The following CLIP1 variants were observed in gnomAD, a reference collection of about 807,000 sequenced individuals.
CLIP1 encodes CAP-Gly domain-containing linker protein 1.
CLIP1 carries 66 observed loss-of-function variants against 161.6 expected under a neutral mutation model. The ratio of observed to expected loss-of-function variants is 0.41; its 90% CI spans 0.33 to 0.50. CLIP1 has a LOEUF of 0.50. Among genes scored for constraint, CLIP1 ranks in the 20% least tolerant of loss-of-function variants. The pLI is 0.27. For missense variants in CLIP1, 1,376 were observed against 1,702.0 expected, an observed-to-expected ratio of 0.81 and a Z score of 3.37; for synonymous variants, 598 against 626.2, an observed-to-expected ratio of 0.96 and a Z score of 0.67.
intron 19 of CLIP1, among the ~76,000 whole-genome samples, chr12:122,314,835 CTTTG>C (rs750962818): frequency 1.3e-5 from 2 of 152,184 alleles, no homozygotes; most frequent in Non-Finnish European, 2.9e-5. Context: ...CAACAAATGA[CTTTG>C]TTTTTCCTGT....
chr12:122,293,487 T>C (rs1950338018), intron 20 of CLIP1, among the ~76,000 whole-genome samples: 1 of 152,028 alleles, frequency 6.6e-6, no homozygotes, highest in South Asian at 2.1e-4. Flanking sequence ...TCTTTTTCTT[T>C]TTTTTTTTGA....
intron 1 of CLIP1, chr12:122,395,663 C>G (rs1267882724): frequency 6.6e-6 from 1 of 152,216 alleles, no homozygotes; most frequent in African/African-American, 2.4e-5. Context: ...ATCAGCAACA[C>G]AGGTAAGCAG....
Position 122,272,904 on chromosome 12 carries a change from T to C in CLIP1, c.4288A>G (p.Thr1430Ala), listed in dbSNP as rs141501239. ...EICEMFGHWA[T>A]NCNDDETF ...AAGGTTTCGTCGTCATTGCAGTTGG[T>C]GGCCCAGTGTCCAAACATCTCACAG... The change falls in exon 26 of 26, where the codon ACC (threonine) becomes GCC (alanine). Residue 1430 changes from threonine (T) to alanine (A), a missense_variant. Coordinates refer to ENST00000620786, the MANE Select transcript of CLIP1 (RefSeq NM_001247997.2). The C allele has an allele frequency of 1.9e-6, 3 of 1,614,100 alleles. No individual in the cohort carries two copies. The highest frequency in any genetic ancestry group is 2.7e-5 in the African/African-American group (2 of 74,928).
intron 9 of CLIP1, among the ~76,000 whole-genome samples, chr12:122,347,886 T>C (rs1035829442): frequency 3.9e-5 from 6 of 152,190 alleles, no homozygotes; most frequent in Admixed American, 3.9e-4. Flanking sequence ...TGTATGTAAC[T>C]GACTCGATAA....
At position 122,355,325 on chromosome 12, in the gene CLIP1, G is replaced by A. The variant is rs1358059797; in HGVS notation, c.1006-13C>T. The A allele has an allele frequency of 3.7e-6, 6 of 1,610,198 alleles. No homozygotes were observed. Among genetic ancestry groups the A allele is most frequent in the Non-Finnish European group, 5.1e-6 (6 of 1,177,170 alleles). On this transcript the variant is annotated splice_polypyrimidine_tract_variant and intron_variant, in intron 5 of 25. Coordinates refer to ENST00000620786, the MANE Select transcript of CLIP1 (RefSeq NM_001247997.2). The surrounding 1 kb of genome is among the most constrained non-coding windows in gnomAD (Gnocchi z 4.1). ...AGGTTTCAGTCAACTGTAAAGGAAAGTTAGAGAAATGAAGGGCGATGATGC... is the reference window on the plus strand; with the variant it reads ...AGGTTTCAGTCAACTGTAAAGGAAAATTAGAGAAATGAAGGGCGATGATGC...
chr12:122,390,267 CAT>C lies in CLIP1; in HGVS notation c.-106-9711_-106-9710del, dbSNP rs1202631168. Among the ~76,000 whole-genome samples the C allele has an allele frequency of 1.8e-4, 13 of 71,296 alleles. No individual in the cohort carries two copies. The South Asian group carries it at 3.7e-3, about 20-fold the overall frequency. 46.8% of individuals were successfully genotyped at this position (71,296 alleles called of 152,430 possible). A position where few individuals can be genotyped will look rare whatever the true frequency, so the allele number is the denominator to read the frequency against. On this transcript the variant is annotated intron_variant, in intron 1 of 25. Coordinates refer to ENST00000620786, the MANE Select transcript of CLIP1 (RefSeq NM_001247997.2). ...ATATATATACACATATATACACACACATATATATATACATATATATATATATA... is the reference window on the plus strand; with the variant it reads ...ATATATATACACATATATACACACACATATATATACATATATATATATATA...
intron 15 of CLIP1, among the ~76,000 whole-genome samples, chr12:122,331,651 T>C (rs893679765): frequency 6.6e-6 from 1 of 152,156 alleles, no homozygotes; most frequent in African/African-American, 2.4e-5. Flanking sequence ...ATTAGAAAGC[T>C]GTTAGCACAG....
intron 10 of CLIP1, chr12:122,342,010 C>T (rs1219637993): frequency 5.8e-6 from 1 of 172,614 alleles, no homozygotes; most frequent in African/African-American, 2.4e-5. Context: ...TCTCAAACTC[C>T]TGACCTCAGG....
At position 122,377,412 on chromosome 12, in the gene CLIP1, GCT is replaced by G; in HGVS notation, c.632_633del (p.Glu211AlafsTer13). The G allele has an allele frequency of 1.9e-6, 3 of 1,613,716 alleles. No individual in the cohort carries two copies. The highest frequency in any genetic ancestry group is 2.5e-6 in the Non-Finnish European group (3 of 1,179,858). ...EAGSIKKGER[E>X]LKIGDRVLVG... ...ACCAATACTCTGTCTCCGATTTTGA[GCT>G]CTCTTTCTCCTTTCTTGATTGAGCC... On this transcript the variant is annotated frameshift_variant, in exon 3 of 26. Transcript: ENST00000620786. LOFTEE classifies it high-confidence loss of function.
At chr12:122,320,443 A>G (rs1295857228) in intron 17 of CLIP1, among the ~76,000 whole-genome samples, 1 of 151,324 alleles carries the variant, frequency 6.6e-6, no homozygotes, top group Non-Finnish European at 1.5e-5. Context: ...ACCTCTAAAA[A>G]AATAAATTAA....
Position 122,355,638 on chromosome 12 carries a change from C to G in CLIP1, c.1006-326G>C, listed in dbSNP as rs1182190419. ...TGGCCAAGATGATGAGACCCCATCT[C>G]TACTAAAAATACAAAAATTAGCTGG... On this transcript the variant is annotated intron_variant, in intron 5 of 25. Coordinates refer to ENST00000620786, the MANE Select transcript of CLIP1 (RefSeq NM_001247997.2). This position sits in a 1 kb window ranked among gnomAD's most constrained non-coding sequence, Gnocchi z 4.1. 4.0e-6 allele frequency: 1 copy of G among 248,922 alleles called. No homozygotes were observed. The highest frequency in any genetic ancestry group is 7.8e-6 in the Non-Finnish European group (1 of 128,800). 15.4% of individuals were successfully genotyped at this position (248,922 alleles called of 1,614,324 possible).
chr12:122,339,017 C>CA (rs1384918032), intron 11 of CLIP1, among the ~76,000 whole-genome samples: 3 of 152,122 alleles, frequency 2.0e-5, no homozygotes, highest in Non-Finnish European at 4.4e-5. Flanking sequence ...GCTTCTCCCA[C>CA]AAAAAAGTTC....
rs1956989942 is a variant in CLIP1, at chr12:122,422,507, CG to C, written c.-107+13del. Reference sequence around the variant, plus strand: ...GCCGGGAAAGGGAGAGGGCCCGCGCCGCCCCCTGCTCACCTCCTCGGACGCC... The same window carrying C: ...GCCGGGAAAGGGAGAGGGCCCGCGCCCCCCCTGCTCACCTCCTCGGACGCC... On this transcript the variant is annotated intron_variant, in intron 1 of 25. Coordinates refer to ENST00000620786, the MANE Select transcript of CLIP1 (RefSeq NM_001247997.2). 6.6e-6 allele frequency: 1 copy of C among 151,882 alleles called. No homozygotes were observed. Among genetic ancestry groups the C allele is most frequent in the Non-Finnish European group, 1.5e-5 (1 of 67,704 alleles). The allele number at this position is 151,882 out of a possible 1,614,324, so 9.4% of individuals were successfully genotyped here. A position where few individuals can be genotyped will look rare whatever the true frequency, so the allele number is the denominator to read the frequency against.
intron 20 of CLIP1, among the ~76,000 whole-genome samples, chr12:122,302,099 T>A (rs1043160081): frequency 1.3e-5 from 2 of 152,192 alleles, no homozygotes; most frequent in African/African-American, 2.4e-5. Flanking sequence ...AATTATTATT[T>A]TTTATTATTA....
intron 10 of CLIP1, among the ~76,000 whole-genome samples, chr12:122,344,392 C>T (rs890982824): frequency 4.0e-5 from 6 of 150,728 alleles, no homozygotes; most frequent in Admixed American, 6.6e-5. Flanking sequence ...AAATAACATA[C>T]AAAACATTAA....
At chr12:122,375,561 C>G (rs1329574797) in intron 3 of CLIP1, among the ~76,000 whole-genome samples, 3 of 152,110 alleles carry the variant, frequency 2.0e-5, no homozygotes, top group African/African-American at 7.2e-5. Flanking sequence ...AGGTGATATG[C>G]CTGCCTCGGC....
intron 9 of CLIP1, among the ~76,000 whole-genome samples, chr12:122,350,079 A>AT (rs1481728235): frequency 6.0e-5 from 9 of 150,674 alleles, no homozygotes; most frequent in Non-Finnish European, 8.9e-5. Flanking sequence ...TAATTTTTGT[A>AT]TTTTTAGTAG....
intron 20 of CLIP1, among the ~76,000 whole-genome samples, chr12:122,309,112 T>G (rs1304605183): frequency 1.3e-5 from 2 of 152,230 alleles, no homozygotes; most frequent in South Asian, 4.1e-4. Context: ...AGATATAGCT[T>G]CCTTTAAAAT....
chr12:122,408,310 G>T (rs1024146945), intron 1 of CLIP1, among the ~76,000 whole-genome samples: 1 of 151,484 alleles, frequency 6.6e-6, no homozygotes, highest in Admixed American at 6.6e-5. Context: ...GAGAGACAAT[G>T]GACAAATAAC....
Sources: gnomAD v4.1 joint callset for allele counts (sites outside exome capture counted in the v4.1 genomes callset) on GRCh38, gnomAD v4.1.1 for gene constraint, Gnocchi (gnomAD v3.1) non-coding constraint, MANE v1.5 for transcripts, NCBI Gene and HGNC (gene_info 2026-07-23, HGNC 2026-07-21) for gene names.